Variants in TSPAN18 observed in about 807,000 individuals in gnomAD.
The protein encoded by TSPAN18 is tetraspanin 18.
TSPAN18 carries 14 observed loss-of-function variants against 27.3 expected under a neutral mutation model. The observed-to-expected ratio is 0.51, with a 90% confidence interval of 0.34 to 0.80. The LOEUF (loss-of-function observed/expected upper bound fraction) is 0.80, where lower values mean the gene tolerates loss of function less well. Ranked by LOEUF, TSPAN18 falls within the 30% of genes least tolerant of loss-of-function variation. The probability of loss-of-function intolerance (pLI) is 0.01; values close to 1 mark genes in which losing one functional copy is unlikely to be tolerated. For missense variants in TSPAN18, 268 were observed against 323.9 expected, an observed-to-expected ratio of 0.83 and a Z score of 1.32; for synonymous variants, 143 against 136.5, an observed-to-expected ratio of 1.05 and a Z score of -0.33.
intron 2 of TSPAN18, among the ~76,000 whole-genome samples, chr11:44,785,619 C>T (rs1360812601): frequency 1.3e-5 from 2 of 150,730 alleles, no homozygotes; most frequent in African/African-American, 2.4e-5. Context: ...CCACAAAGTA[C>T]TTGTGGCTTT....
At chr11:44,892,690 G>A (rs1024083285) in intron 3 of TSPAN18, among the ~76,000 whole-genome samples, 7 of 152,212 alleles carry the variant, frequency 4.6e-5, no homozygotes, top group African/African-American at 1.7e-4. Context: ...GGGGATGGGA[G>A]GCATGGATTG....
In TSPAN18 at chr11:44,727,007, G is replaced by T. The variant is rs1225254211; in HGVS notation, c.-520G>T. ...GGCTCCAGGCTGCGGGGCGGACGTA[G>T]CGCCGAGCGATCCACCGCGGAGCCG... is the stretch of plus-strand genomic sequence containing the variant. On this transcript the variant is annotated 5_prime_UTR_variant, in exon 1 of 10. Transcript: ENST00000520358. 1.6e-4 allele frequency: 23 copies of T among 140,926 alleles called. No individual in the cohort carries two copies. The highest frequency in any genetic ancestry group is 5.8e-4 in the African/African-American group (23 of 39,822). The allele number at this position is 140,926 out of a possible 1,614,324, so 8.7% of individuals were successfully genotyped here.
Position 44,931,934 on chromosome 11 carries a change from G to C in TSPAN18, c.*2756G>C, listed in dbSNP as rs1035210834. Reference sequence around the variant, plus strand: ...GGGCAAGGAACAAGAAGACTACACCGCTCATCACAAACCCTGCCTGTATCG... The same window carrying C: ...GGGCAAGGAACAAGAAGACTACACCCCTCATCACAAACCCTGCCTGTATCG... On this transcript the variant is annotated 3_prime_UTR_variant, in exon 10 of 10. Coordinates refer to ENST00000520358, the MANE Select transcript of TSPAN18 (RefSeq NM_130783.5). 4 of 152,258 alleles carry C rather than the reference G, an allele frequency of 2.6e-5. No homozygotes were observed. Among genetic ancestry groups the C allele is most frequent in the Admixed American group, 1.3e-4 (2 of 15,278 alleles). The allele number at this position is 152,258 out of a possible 1,614,324, so 9.4% of individuals were successfully genotyped here. A position where few individuals can be genotyped will look rare whatever the true frequency, so the allele number is the denominator to read the frequency against.
chr11:44,872,256 A>G (rs566417035), intron 3 of TSPAN18, among the ~76,000 whole-genome samples: 4 of 152,122 alleles, frequency 2.6e-5, no homozygotes, highest in African/African-American at 9.6e-5. Context: ...AAAGATACCA[A>G]TCCTATCAGA....
chr11:44,909,826 G>T lies in TSPAN18; in HGVS notation c.185G>T (p.Gly62Val), dbSNP rs927180636. ...LTGAYILLAM[G>V]GLLFLLGFLG... ...GGCGCCTACATCCTCCTGGCCATGGGGGGCCTGCTCTTTCTGCTCGGCTTC... is the reference window on the plus strand; with the variant it reads ...GGCGCCTACATCCTCCTGGCCATGGTGGGCCTGCTCTTTCTGCTCGGCTTC... Residue 62 changes from glycine (G) to valine (V), a missense_variant, in exon 5 of 10, where the codon GGG (glycine) becomes GTG (valine). Coordinates refer to ENST00000520358, the MANE Select transcript of TSPAN18 (RefSeq NM_130783.5). 1 of 1,614,076 alleles carries T rather than the reference G, an allele frequency of 6.2e-7. No homozygotes were observed. The highest frequency in any genetic ancestry group is 8.5e-7 in the Non-Finnish European group (1 of 1,180,022).
chr11:44,749,724 C>T (rs1855166596), intron 1 of TSPAN18, among the ~76,000 whole-genome samples: 2 of 150,270 alleles, frequency 1.3e-5, no homozygotes, highest in South Asian at 4.2e-4. Context: ...GCAAACTCTG[C>T]CTCCCGGGTT....
chr11:44,909,705 C>T lies in TSPAN18; in HGVS notation c.64C>T (p.Leu22=), dbSNP rs764282238. The stretch of plus-strand genomic sequence containing the variant: ...CCAACTCCTCCACTGGCCCGAGCAG[C>T]TGGGCGGGGCCTGCCTGCTGGCCAT... ...LMFVFNFFIF[L]GGACLLAIGI... The change falls in exon 5 of 10, where the codon CTG becomes TTG. Residue 22 remains leucine (L), a splice_region_variant and synonymous_variant. Coordinates refer to ENST00000520358, the MANE Select transcript of TSPAN18 (RefSeq NM_130783.5). 3.7e-6 allele frequency: 6 copies of T among 1,608,684 alleles called. No individual in the cohort carries two copies. Among genetic ancestry groups the T allele is most frequent in the South Asian group, 3.3e-5 (3 of 90,828 alleles).
intron 2 of TSPAN18, among the ~76,000 whole-genome samples, chr11:44,789,382 T>G (rs1048252021): frequency 2.6e-5 from 4 of 152,240 alleles, no homozygotes; most frequent in African/African-American, 9.6e-5. Context: ...TGGCTTTTCC[T>G]TCTGCCAAGA....
chr11:44,730,492 A>G (rs1324225708), intron 1 of TSPAN18, among the ~76,000 whole-genome samples: 2 of 152,114 alleles, frequency 1.3e-5, no homozygotes, highest in Non-Finnish European at 2.9e-5. Context: ...GATGACGCCC[A>G]TTGATCAGGC....
intron 2 of TSPAN18, among the ~76,000 whole-genome samples, chr11:44,771,439 A>T (rs1855687546): frequency 6.6e-6 from 1 of 152,346 alleles, no homozygotes; most frequent in East Asian, 1.9e-4. Context: ...TGTAAATGAC[A>T]TGTAGTGCCT....
chr11:44,903,737 T>C (rs1859351186), intron 3 of TSPAN18: 1 of 455,772 alleles, frequency 2.2e-6, no homozygotes, highest in African/African-American at 2.0e-5. Flanking sequence ...CCATGCTCAC[T>C]GAAGTAAAGA....
chr11:44,740,647 C>T (rs1003039969), intron 1 of TSPAN18, among the ~76,000 whole-genome samples: 1 of 152,224 alleles, frequency 6.6e-6, no homozygotes, highest in African/African-American at 2.4e-5. Flanking sequence ...GAGCTGCCCC[C>T]ACAACCCCAT....
rs760297615 is a variant in TSPAN18, at chr11:44,929,220, T to C, written c.*42T>C. The C allele has an allele frequency of 1.2e-6, 2 of 1,605,150 alleles. No homozygotes were observed. The highest frequency in any genetic ancestry group is 1.7e-6 in the Non-Finnish European group (2 of 1,174,776). On this transcript the variant is annotated 3_prime_UTR_variant, in exon 10 of 10. Coordinates refer to ENST00000520358, the MANE Select transcript of TSPAN18 (RefSeq NM_130783.5). The stretch of plus-strand genomic sequence containing the variant: ...CCTGAAGACTCGCCCCACCCACCAC[T>C]GCCCAGCACCCAGTGTCCTCCCGTG...
At chr11:44,922,213 T>C (rs969992788) in intron 8 of TSPAN18, among the ~76,000 whole-genome samples, 3 of 149,580 alleles carry the variant, frequency 2.0e-5, no homozygotes, top group African/African-American at 7.5e-5. Flanking sequence ...ACCTCCAGGG[T>C]TCAAGTGTTT....
chr11:44,881,444 T>C (rs185719121), intron 3 of TSPAN18, among the ~76,000 whole-genome samples: 1 of 152,334 alleles, frequency 6.6e-6, no homozygotes, highest in East Asian at 1.9e-4. Flanking sequence ...AGGATTTCTT[T>C]GAGCATCACT....
intron 5 of TSPAN18, among the ~76,000 whole-genome samples, chr11:44,916,196 C>G (rs1261121494): frequency 2.0e-5 from 3 of 152,148 alleles, no homozygotes; most frequent in Admixed American, 2.0e-4. Context: ...TAAGGTGGAC[C>G]CTGGCCCACA....
chr11:44,830,861 G>C (rs756334464), intron 2 of TSPAN18, among the ~76,000 whole-genome samples: 4 of 152,148 alleles, frequency 2.6e-5, no homozygotes, highest in Non-Finnish European at 1.5e-5. Context: ...CAGGTCTTCT[G>C]AAGTCTTTAA....
intron 3 of TSPAN18, among the ~76,000 whole-genome samples, chr11:44,869,288 A>C (rs1334568751): frequency 6.6e-6 from 1 of 152,170 alleles, no homozygotes; most frequent in Admixed American, 6.5e-5. Flanking sequence ...GCTTTGAAAA[A>C]AGTCATTCCC....
At chr11:44,812,210 CT>C (rs919486492) in intron 2 of TSPAN18, among the ~76,000 whole-genome samples, 3 of 152,150 alleles carry the variant, frequency 2.0e-5, no homozygotes, top group Non-Finnish European at 4.4e-5. Context: ...CAAACCCAGC[CT>C]GGCCACTTCC....
Sources: gnomAD v4.1 joint callset for allele counts (sites outside exome capture counted in the v4.1 genomes callset) on GRCh38, gnomAD v4.1.1 for gene constraint, MANE v1.5 for transcripts, NCBI Gene and HGNC (gene_info 2026-07-23, HGNC 2026-07-21) for gene names.